IQGAP1: variants seen among roughly 807,000 people sequenced by gnomAD.
The protein encoded by IQGAP1 is ras GTPase-activating-like protein IQGAP1.
IQGAP1 carries 66 observed loss-of-function variants against 215.6 expected under a neutral mutation model. The observed-to-expected ratio is 0.31, with a 90% confidence interval of 0.25 to 0.38. The LOEUF (loss-of-function observed/expected upper bound fraction) is 0.38. Among genes scored for constraint, IQGAP1 ranks in the 10% least tolerant of loss-of-function variants. IQGAP1 has a pLI of 1.00. For missense variants in IQGAP1, 1,712 were observed against 1,997.1 expected, an observed-to-expected ratio of 0.86 and a Z score of 2.72; for synonymous variants, 772 against 728.7, an observed-to-expected ratio of 1.06 and a Z score of -0.96.
chr15:90,405,002 T>C (rs1964857987), intron 2 of IQGAP1, among the ~76,000 whole-genome samples: 1 of 152,236 alleles, frequency 6.6e-6, no homozygotes, highest in Admixed American at 6.5e-5. Flanking sequence ...TTATCTATAC[T>C]GAGATTATAT....
In IQGAP1 at chr15:90,486,039, G is replaced by C; in HGVS notation, c.3931G>C (p.Asp1311His). 2 of 1,613,030 alleles carry C rather than the reference G, an allele frequency of 1.2e-6. No homozygotes were observed. Among genetic ancestry groups the C allele is most frequent in the Non-Finnish European group, 1.7e-6 (2 of 1,179,260 alleles). Residue 1311 changes from aspartate to histidine, a missense_variant, in exon 31 of 38, where the codon GAT (aspartate) becomes CAT (histidine). By Grantham distance (81) the Asp-to-His change is moderately conservative. Coordinates refer to ENST00000268182, the MANE Select transcript of IQGAP1 (RefSeq NM_003870.4). The stretch of plus-strand genomic sequence containing the variant: ...TCATTGGTGTTTGCAGCTCCTGTTG[G>C]ATCACCAGGATGCCATTGCTCCGGA... The part of the protein sequence containing the change: ...EIINTHTLLL[D>H]HQDAIAPEHN...
intron 35 of IQGAP1, among the ~76,000 whole-genome samples, chr15:90,492,960 G>A (rs1466103319): frequency 6.6e-6 from 1 of 151,944 alleles, no homozygotes; most frequent in Non-Finnish European, 1.5e-5. Flanking sequence ...TATCTTCTTG[G>A]GGCCTGTCAA....
At chr15:90,392,412 G>GT (rs1370204351) in intron 2 of IQGAP1, among the ~76,000 whole-genome samples, 1 of 152,210 alleles carries the variant, frequency 6.6e-6, no homozygotes, top group African/African-American at 2.4e-5. Flanking sequence ...GGTTTGGAAG[G>GT]TCAAAGAATT....
In IQGAP1 at chr15:90,461,979, A is replaced by AAT. The variant is rs1190138528; in HGVS notation, c.1777-4021_1777-4020insTA. Among the ~76,000 whole-genome samples, 981 of 43,956 alleles carry AAT rather than the reference A, an allele frequency of 0.022. 35 individuals carry two copies. In the East Asian group the frequency reaches 0.27, roughly 12 times the overall value. The allele number at this position is 43,956 out of a possible 152,430, so 28.8% of individuals were successfully genotyped here. On this transcript the variant is annotated intron_variant, in intron 15 of 37. Coordinates refer to ENST00000268182, the MANE Select transcript of IQGAP1 (RefSeq NM_003870.4). ...ACAGTGAAACCCCATCTCTACTAAA[A>AAT]ACACAAAAAAAAAAAAAAAAGAAAA...
At chr15:90,483,684 T>G (rs1225290572) in intron 29 of IQGAP1, 91 bp downstream of exon 29, 3 of 879,292 alleles carry the variant, frequency 3.4e-6, no homozygotes, top group Non-Finnish European at 5.4e-6. Context: ...CCTCTCACTT[T>G]CCCCGGACTG....
intron 26 of IQGAP1, among the ~76,000 whole-genome samples, chr15:90,479,912 T>C (rs1966033299): frequency 1.3e-5 from 2 of 152,022 alleles, no homozygotes; most frequent in Non-Finnish European, 2.9e-5. Flanking sequence ...TCTGGGAAGT[T>C]TTGCCTGCAA....
At chr15:90,421,073 G>T (rs534640116) in intron 2 of IQGAP1, among the ~76,000 whole-genome samples, 1 of 152,306 alleles carries the variant, frequency 6.6e-6, no homozygotes, top group Admixed American at 6.5e-5. Context: ...GAAGCCAGAG[G>T]TTGCAATGAG....
chr15:90,467,809 A>G (rs1056108821), intron 18 of IQGAP1, among the ~76,000 whole-genome samples: 28 of 152,230 alleles, frequency 1.8e-4, no homozygotes, highest in Admixed American at 1.8e-3. Flanking sequence ...GATATAAACC[A>G]TATGCTAAGA....
chr15:90,448,715 T>C lies in IQGAP1; in HGVS notation c.1056T>C (p.Ser352=). 1 of 1,599,582 alleles carries C rather than the reference T, an allele frequency of 6.3e-7. No individual in the cohort carries two copies. Among genetic ancestry groups the C allele is most frequent in the Non-Finnish European group, 8.5e-7 (1 of 1,174,012 alleles). ...NSDWYLKQLL[S]DKQQKRQSGQ... ...ACTGGTACTTGAAGCAGCTCCTGAG[T>C]GATAAACAGCAGAAGAGACAGGTAA... is the stretch of plus-strand genomic sequence containing the variant. Residue 352 remains serine, a synonymous_variant, in exon 10 of 38, where the codon AGT becomes AGC. Coordinates refer to ENST00000268182, the MANE Select transcript of IQGAP1 (RefSeq NM_003870.4).
intron 15 of IQGAP1, among the ~76,000 whole-genome samples, chr15:90,460,210 C>T (rs1567133616): frequency 6.6e-6 from 1 of 152,082 alleles, no homozygotes; most frequent in Non-Finnish European, 1.5e-5. Context: ...CAGAGCAGCC[C>T]TGAGGGCCGC....
chr15:90,444,663 T>G (rs1596269538), intron 9 of IQGAP1, among the ~76,000 whole-genome samples: 1 of 152,190 alleles, frequency 6.6e-6, no homozygotes, highest in East Asian at 1.9e-4. Flanking sequence ...GGAAATTAAT[T>G]TATTGAAATT....
chr15:90,453,887 A>G (rs1965642731), intron 13 of IQGAP1, among the ~76,000 whole-genome samples: 1 of 152,182 alleles, frequency 6.6e-6, no homozygotes, highest in Non-Finnish European at 1.5e-5. Flanking sequence ...TAGGCATATA[A>G]AACCCACTTT....
chr15:90,470,120 T>A (rs1197437562), intron 18 of IQGAP1, among the ~76,000 whole-genome samples: 1 of 152,192 alleles, frequency 6.6e-6, no homozygotes, highest in Non-Finnish European at 1.5e-5. Flanking sequence ...GGATGCTACC[T>A]CATTTTCAGC....
chr15:90,451,797 C>T (rs1007829386), intron 11 of IQGAP1, among the ~76,000 whole-genome samples: 1 of 151,270 alleles, frequency 6.6e-6, no homozygotes, highest in African/African-American at 2.4e-5. Context: ...GGCTTTGTTT[C>T]TGAGTTCTCT....
At position 90,466,532 on chromosome 15, in the gene IQGAP1, C is replaced by G; in HGVS notation, c.2035+96C>G. The G allele has an allele frequency of 3.3e-6, 4 of 1,202,422 alleles. No individual in the cohort carries two copies. In the East Asian group the frequency reaches 9.6e-5, roughly 29 times the overall value. The allele number at this position is 1,202,422 out of a possible 1,614,324, so 74.5% of individuals were successfully genotyped here. A position where few individuals can be genotyped will look rare whatever the true frequency, so the allele number is the denominator to read the frequency against. The stretch of plus-strand genomic sequence containing the variant: ...AAAGGGATAAGCTATAGGGAAAGAC[C>G]TTTTAGCATAGATGTACAGTACTTA... On this transcript the variant is annotated intron_variant, in intron 17 of 37. Coordinates refer to ENST00000268182, the MANE Select transcript of IQGAP1 (RefSeq NM_003870.4).
At chr15:90,473,166 T>C in intron 19 of IQGAP1, 156 bp downstream of exon 19, 1 of 664,428 alleles carries the variant, frequency 1.5e-6, no homozygotes, top group Non-Finnish European at 2.5e-6. Context: ...TACTACCATT[T>C]AACTGTAGTG....
At chr15:90,491,091 G>A (rs186692509) in intron 33 of IQGAP1, among the ~76,000 whole-genome samples, 1 of 152,186 alleles carries the variant, frequency 6.6e-6, no homozygotes. Context: ...TTACAGGCAT[G>A]AGCCACCGCG....
intron 2 of IQGAP1, among the ~76,000 whole-genome samples, chr15:90,417,975 T>C (rs1756981067): frequency 6.6e-6 from 1 of 152,214 alleles, no homozygotes; most frequent in Admixed American, 6.5e-5. Flanking sequence ...TGTTCCTTTA[T>C]GTTACATGTC....
intron 5 of IQGAP1, among the ~76,000 whole-genome samples, chr15:90,437,247 AG>A (rs1408736855): frequency 6.6e-6 from 1 of 152,226 alleles, no homozygotes; most frequent in African/African-American, 2.4e-5. Context: ...AACAGCACCA[AG>A]GGGGAAACCT....
Sources: gnomAD v4.1 joint callset for allele counts (sites outside exome capture counted in the v4.1 genomes callset) on GRCh38, gnomAD v4.1.1 for gene constraint, MANE v1.5 for transcripts, NCBI Gene and HGNC (gene_info 2026-07-23, HGNC 2026-07-21) for gene names.